Variants in STXBP6 observed in about 807,000 individuals in gnomAD.
STXBP6 encodes the protein syntaxin-binding protein 6.
Under a neutral mutation model 26.9 loss-of-function variants are expected in STXBP6, and 21 were observed. The ratio of observed to expected loss-of-function variants is 0.78; its 90% CI spans 0.55 to 1.12. The LOEUF is 1.12. Ranked by LOEUF, STXBP6 falls within the 50% of genes most tolerant of loss-of-function variation. The pLI, the probability that STXBP6 is intolerant of heterozygous loss-of-function variation, is 0.00. For missense variants in STXBP6, 232 were observed against 257.9 expected (o/e 0.90, Z 0.69); for synonymous variants, 97 against 92.6 (o/e 1.05, Z -0.27).
chr14:25,035,405 C>A (rs1158558753), intron 1 of STXBP6, among the ~76,000 whole-genome samples: 1 of 152,196 alleles, frequency 6.6e-6, no homozygotes, highest in Non-Finnish European at 1.5e-5. Context: ...CCATGAAATT[C>A]AAAGTACAAA....
At chr14:24,942,859 G>A (rs2072850439) in intron 2 of STXBP6, among the ~76,000 whole-genome samples, 1 of 152,100 alleles carries the variant, frequency 6.6e-6, no homozygotes, top group Non-Finnish European at 1.5e-5. Flanking sequence ...ATCAAGACAG[G>A]TACACCTACT....
At chr14:24,943,126 G>A (rs1348810335) in intron 2 of STXBP6, among the ~76,000 whole-genome samples, 1 of 152,170 alleles carries the variant, frequency 6.6e-6, no homozygotes, top group Non-Finnish European at 1.5e-5. Context: ...CACTGGGGGT[G>A]GGGTGTGAGG....
chr14:24,876,172 A>G (rs1451552556), intron 2 of STXBP6, among the ~76,000 whole-genome samples: 2 of 152,144 alleles, frequency 1.3e-5, no homozygotes, highest in African/African-American at 2.4e-5. Context: ...ATAACTAAAA[A>G]GAGGAACCCT....
intron 2 of STXBP6, among the ~76,000 whole-genome samples, chr14:24,899,540 G>A (rs540485622): frequency 1.3e-5 from 2 of 152,126 alleles, no homozygotes; most frequent in East Asian, 3.9e-4. Context: ...CAGCACTTTG[G>A]GAGGCTGAGG....
At chr14:24,867,136 T>C (rs2069752641) in intron 2 of STXBP6, among the ~76,000 whole-genome samples, 1 of 152,124 alleles carries the variant, frequency 6.6e-6, no homozygotes, top group South Asian at 2.1e-4. Flanking sequence ...AGCTCCAACC[T>C]CACGAATGAA....
Position 24,962,123 on chromosome 14 carries a change from G to A in STXBP6, c.154+12542C>T, listed in dbSNP as rs146788879. On this transcript the variant is annotated intron_variant, in intron 2 of 5. Coordinates refer to ENST00000323944, the MANE Select transcript of STXBP6 (RefSeq NM_001394410.1). The stretch of plus-strand genomic sequence containing the variant: ...TGCAAACACAGACAGAATCACACAT[G>A]CACAGTACCCTTATATACACCTGCA... 3.9e-5 allele frequency among the ~76,000 whole-genome samples: 6 copies of A among 152,108 alleles called. No homozygotes were observed. The East Asian group carries it at 1.2e-3, about 29-fold the overall frequency.
intron 1 of STXBP6, among the ~76,000 whole-genome samples, chr14:25,039,682 A>T (rs527415118): frequency 1.3e-5 from 2 of 150,352 alleles, no homozygotes; most frequent in Admixed American, 6.6e-5. Context: ...GACCCACCCC[A>T]GACCCAGTGA....
intron 2 of STXBP6, among the ~76,000 whole-genome samples, chr14:24,965,811 A>C (rs1302112660): frequency 1.3e-5 from 2 of 152,184 alleles, no homozygotes; most frequent in African/African-American, 4.8e-5. Context: ...ACTATAGCTT[A>C]CTGACAAAAG....
chr14:24,876,785 A>T (rs555803803), intron 2 of STXBP6, among the ~76,000 whole-genome samples: 3 of 152,380 alleles, frequency 2.0e-5, no homozygotes, highest in African/African-American at 7.2e-5. Context: ...GGATTTTAAC[A>T]GCTTCAACTG....
In STXBP6 at chr14:24,818,888, T is replaced by G. The variant is rs1041066296; in HGVS notation, c.609+149A>C. The G allele has an allele frequency of 1.2e-5, 13 of 1,048,238 alleles. No individual in the cohort carries two copies. In the Admixed American group the frequency reaches 1.2e-4, roughly 10 times the overall value. 64.9% of individuals were successfully genotyped at this position (1,048,238 alleles called of 1,614,324 possible). On this transcript the variant is annotated intron_variant, in intron 5 of 5. Transcript: ENST00000323944. ...AAGAAGAAATTTTCCACGACTCAGG[T>G]GTTTAGTAAGTAGCAGATGGGAATT...
At position 25,030,340 on chromosome 14, in the gene STXBP6, C is replaced by T. The variant is rs950280956; in HGVS notation, c.-33+19538G>A. Among the ~76,000 whole-genome samples, 8 of 152,294 alleles carry T rather than the reference C, an allele frequency of 5.3e-5. No individual in the cohort carries two copies. In the South Asian group the frequency reaches 1.5e-3, roughly 28 times the overall value. ...TGGGCCACTGAATGGGAAAAGGAAG[C>T]CAAGGTGCTCATCAACTCACCAGGA... On this transcript the variant is annotated intron_variant, in intron 1 of 5. Coordinates refer to ENST00000323944, the MANE Select transcript of STXBP6 (RefSeq NM_001394410.1).
intron 2 of STXBP6, among the ~76,000 whole-genome samples, chr14:24,861,229 C>T (rs1234389313): frequency 6.6e-6 from 1 of 152,104 alleles, no homozygotes; most frequent in Non-Finnish European, 1.5e-5. Context: ...TGCCTCAGCT[C>T]TCTGCTCTGC....
intron 2 of STXBP6, among the ~76,000 whole-genome samples, chr14:24,930,834 G>A (rs962175284): frequency 7.9e-5 from 12 of 151,896 alleles, no homozygotes; most frequent in East Asian, 3.9e-4. Context: ...AACACCGGCC[G>A]GGCGCGGTGG....
At chr14:25,000,220 G>A (rs1157846861) in intron 1 of STXBP6, among the ~76,000 whole-genome samples, 15 of 151,926 alleles carry the variant, frequency 9.9e-5, no homozygotes, top group African/African-American at 3.4e-4. Context: ...CTGCCACCAC[G>A]CCTGGCTAAT....
chr14:25,021,978 T>C (rs1041852065), intron 1 of STXBP6, among the ~76,000 whole-genome samples: 1 of 152,210 alleles, frequency 6.6e-6, no homozygotes, highest in Admixed American at 6.5e-5. Flanking sequence ...GGTATAGGCC[T>C]ATAATAAAGC....
At chr14:24,815,332 A>G (rs1290294251) in intron 5 of STXBP6, among the ~76,000 whole-genome samples, 1 of 152,112 alleles carries the variant, frequency 6.6e-6, no homozygotes, top group East Asian at 1.9e-4. Flanking sequence ...TTCTCTTTCA[A>G]TGCTATGCAT....
chr14:24,906,395 GTTCAA>G (rs1322028073), intron 2 of STXBP6, among the ~76,000 whole-genome samples: 1 of 152,060 alleles, frequency 6.6e-6, no homozygotes, highest in African/African-American at 2.4e-5. Context: ...TTTTTATATA[GTTCAA>G]TTCAATCAAT....
chr14:24,957,940 T>C (rs2073395661), intron 2 of STXBP6, among the ~76,000 whole-genome samples: 5 of 152,170 alleles, frequency 3.3e-5, no homozygotes, highest in Admixed American at 2.6e-4. Flanking sequence ...GGCCATAGAT[T>C]TTCCCCAGTT....
At chr14:25,014,100 G>A (rs1342056826) in intron 1 of STXBP6, among the ~76,000 whole-genome samples, 1 of 152,174 alleles carries the variant, frequency 6.6e-6, no homozygotes, top group Non-Finnish European at 1.5e-5. Context: ...AACAAGATTG[G>A]CCATAAATTA....
Sources: allele counts gnomAD v4.1 joint callset (sites outside exome capture counted in the v4.1 genomes callset), GRCh38; gene constraint gnomAD v4.1.1; transcripts MANE v1.5; gene names NCBI Gene and HGNC (gene_info 2026-07-23, HGNC 2026-07-21).